The following CCT5 variants were observed in gnomAD, a reference collection of about 807,000 sequenced individuals.
The protein encoded by CCT5 is chaperonin containing TCP1 subunit 5, also known as T-complex protein 1 subunit epsilon.
CCT5 carries 6 observed loss-of-function variants against 55.0 expected under a neutral mutation model. The ratio of observed to expected loss-of-function variants is 0.11; its 90% CI spans 0.06 to 0.22. The LOEUF is 0.22. CCT5 is among the 10% of genes least tolerant of loss of function. CCT5 has a pLI of 1.00. For synonymous variants in CCT5, 231 were observed against 243.7 expected, an observed-to-expected ratio of 0.95 and a Z score of 0.49; for missense variants, 560 against 694.6, an observed-to-expected ratio of 0.81 and a Z score of 2.18.
chr5:10,264,620 C>A, intron 10 of CCT5, 36 bp from the exon 11 acceptor site: 1 of 1,304,408 alleles, frequency 7.7e-7, no homozygotes, highest in Non-Finnish European at 1.1e-6. Context: ...TTATTGTATG[C>A]TATTTTAGGA....
At chr5:10,250,193 G>T (rs532116471), upstream of CCT5, 1 of 1,546,222 alleles carries the variant, frequency 6.5e-7, no homozygotes, top group African/African-American at 1.4e-5. Flanking sequence ...ACTGTCTGGC[G>T]TGAAATTAGT....
At chr5:10,255,402 G>C (rs1170350658) in intron 3 of CCT5, among the ~76,000 whole-genome samples, 1 of 152,012 alleles carries the variant, frequency 6.6e-6, no homozygotes, top group Non-Finnish European at 1.5e-5. Context: ...AAGTTGGGGA[G>C]ATTGAAGACA....
In CCT5 at chr5:10,266,020, T is replaced by C. The variant is rs904887260; in HGVS notation, c.*1237T>C. 6.6e-6 allele frequency: 1 copy of C among 152,226 alleles called. No homozygotes were observed. The highest frequency in any genetic ancestry group is 2.4e-5 in the African/African-American group (1 of 41,458). The allele number at this position is 152,226 out of a possible 1,614,324, so 9.4% of individuals were successfully genotyped here. ...GGTCATTGTGTTTTCTCTACATTCA[T>C]GCATTGGATGTTTTGCTAAATAACT... is the stretch of plus-strand genomic sequence containing the variant. On this transcript the variant is annotated 3_prime_UTR_variant, in exon 11 of 11. Coordinates refer to ENST00000280326, the MANE Select transcript of CCT5 (RefSeq NM_012073.5).
At position 10,261,616 on chromosome 5, in the gene CCT5, C is replaced by T. The variant is rs751586130; in HGVS notation, c.1050C>T (p.Ala350=). 20 of 1,614,062 alleles carry T rather than the reference C, an allele frequency of 1.2e-5. No homozygotes were observed. In the South Asian group the frequency reaches 1.6e-4, roughly 13 times the overall value. Residue 350 remains alanine (A), a synonymous_variant, in exon 8 of 11, where the codon GCC becomes GCT. Coordinates refer to ENST00000280326, the MANE Select transcript of CCT5 (RefSeq NM_012073.5). The part of the protein sequence containing the change: ...RIVPRFSELT[A]EKLGFAGLVQ... ...TCCCCAGGTTCTCAGAGCTCACAGC[C>T]GAGAAGCTGGGCTTTGCTGGTCTTG...
intron 1 of CCT5, 48 bp from the exon 2 acceptor site, chr5:10,254,097 A>G: frequency 7.9e-7 from 1 of 1,265,136 alleles, no homozygotes; most frequent in Non-Finnish European, 1.2e-6. Flanking sequence ...GCTTTTAACC[A>G]TTGAAATTAT....
chr5:10,258,283 A>G lies in CCT5; in HGVS notation c.703A>G (p.Ser235Gly). The G allele has an allele frequency of 1.2e-6, 2 of 1,614,258 alleles. No homozygotes were observed. Among genetic ancestry groups the G allele is most frequent in the Non-Finnish European group, 1.7e-6 (2 of 1,180,042 alleles). ...IKGVIVDKDF[S>G]HPQMPKKVED... ...GGGCGTGATTGTGGACAAGGATTTC[A>G]GTCACCCACAGATGCCAAAAGTGAG... is the stretch of plus-strand genomic sequence containing the variant. Residue 235 changes from serine to glycine, a missense_variant, in exon 5 of 11, where the codon AGT (serine) becomes GGT (glycine). Physicochemically the swap from Ser to Gly is moderately conservative, Grantham distance 56. This residue lies in a region of CCT5 where 256 missense variants were observed against 372.4 expected (regional missense o/e 0.69). Coordinates refer to ENST00000280326, the MANE Select transcript of CCT5 (RefSeq NM_012073.5).
intron 8 of CCT5, chr5:10,261,975 ATTTT>A (rs1745985937): frequency 5.7e-6 from 3 of 525,066 alleles, no homozygotes; most frequent in Non-Finnish European, 1.0e-5. Context: ...ACACTATGAG[ATTTT>A]TATATCTTTT....
At chr5:10,249,931 A>AC, upstream of CCT5, 8 of 649,774 alleles carry the variant, frequency 1.2e-5, no homozygotes, top group Non-Finnish European at 1.4e-5. Flanking sequence ...AAAAAAAAAA[A>AC]AAACCGGAAA....
intron 6 of CCT5, 72 bp from the exon 7 acceptor site, chr5:10,260,719 CT>C: frequency 3.2e-6 from 5 of 1,570,988 alleles, no homozygotes; most frequent in Non-Finnish European, 4.4e-6. Context: ...TGTGCCTCTC[CT>C]TTTTTCAAAC....
At chr5:10,251,626 T>C (rs1469888635) in intron 1 of CCT5, among the ~76,000 whole-genome samples, 1 of 152,126 alleles carries the variant, frequency 6.6e-6, no homozygotes, top group Non-Finnish European at 1.5e-5. Flanking sequence ...TCGCGGAACC[T>C]CCTTTTCCAG....
chr5:10,262,854 C>T (rs1746032995), intron 9 of CCT5, among the ~76,000 whole-genome samples: 1 of 152,196 alleles, frequency 6.6e-6, no homozygotes, highest in Non-Finnish European at 1.5e-5. Context: ...AATCTATAGT[C>T]TTTTAATGTT....
intron 4 of CCT5, among the ~76,000 whole-genome samples, chr5:10,256,527 G>A (rs1183613682): frequency 6.6e-6 from 1 of 152,104 alleles, no homozygotes; most frequent in African/African-American, 2.4e-5. Context: ...ACCAGCCAGG[G>A]CAATGTAGTG....
rs375456603 is a variant in CCT5 at position 10,254,626 on chromosome 5, A to G, written c.167-48A>G. 2.6e-5 allele frequency: 40 copies of G among 1,564,804 alleles called. No homozygotes were observed. The African/African-American group carries it at 5.1e-4, about 20-fold the overall frequency. On this transcript the variant is annotated intron_variant, in intron 2 of 10. Coordinates refer to ENST00000280326, the MANE Select transcript of CCT5 (RefSeq NM_012073.5). ...GAGGTCTTGTTTTATAGTTTGTGAT[A>G]TTGGTTGCCAGTTTTTTGCGCAAAG...
chr5:10,258,947 T>C (rs550816485), intron 6 of CCT5, among the ~76,000 whole-genome samples: 58 of 152,230 alleles, frequency 3.8e-4, no homozygotes, highest in Middle Eastern at 3.4e-3. Flanking sequence ...GAGCTGAGCT[T>C]GCACCACTAC....
At chr5:10,259,782 G>T (rs1201924669) in intron 6 of CCT5, among the ~76,000 whole-genome samples, 1 of 152,264 alleles carries the variant, frequency 6.6e-6, no homozygotes, top group African/African-American at 2.4e-5. Flanking sequence ...TGGTGCCTCA[G>T]CTGTGCTGGG....
chr5:10,253,231 A>T lies in CCT5; in HGVS notation c.106-914A>T, dbSNP rs142928048. ...TGTAATCCCAGCTACTGGGGGGCTG[A>T]GGCAGGAGGATCGCTTAAACCCGGG... On this transcript the variant is annotated intron_variant, in intron 1 of 10. Coordinates refer to ENST00000280326, the MANE Select transcript of CCT5 (RefSeq NM_012073.5). 3.0e-3 allele frequency among the ~76,000 whole-genome samples: 457 copies of T among 150,846 alleles called. 5 individuals are homozygous for T. Among genetic ancestry groups the T allele is most frequent in the African/African-American group, 0.01 (432 of 41,156 alleles).
At chr5:10,258,820 C>T (rs1206925917) in intron 6 of CCT5, among the ~76,000 whole-genome samples, 2 of 152,150 alleles carry the variant, frequency 1.3e-5, no homozygotes, top group Non-Finnish European at 2.9e-5. Context: ...GGTGAAACGC[C>T]ATTTCTACTA....
chr5:10,264,918 G>C lies in CCT5; in HGVS notation c.*135G>C. ...ATGCTATAATAAAAATAGCTGTTTGGTAACCATAGTTTCACTTGTTCAAAG... is the reference window on the plus strand; with the variant it reads ...ATGCTATAATAAAAATAGCTGTTTGCTAACCATAGTTTCACTTGTTCAAAG... On this transcript the variant is annotated 3_prime_UTR_variant, in exon 11 of 11. Coordinates refer to ENST00000280326, the MANE Select transcript of CCT5 (RefSeq NM_012073.5). 1 of 1,155,304 alleles carries C rather than the reference G, an allele frequency of 8.7e-7. No individual in the cohort carries two copies. The highest frequency in any genetic ancestry group is 1.2e-6 in the Non-Finnish European group (1 of 800,830). The allele number at this position is 1,155,304 out of a possible 1,614,324, so 71.6% of individuals were successfully genotyped here. A position where few individuals can be genotyped will look rare whatever the true frequency, so the allele number is the denominator to read the frequency against.
chr5:10,255,409 G>A (rs1041627689), intron 3 of CCT5, among the ~76,000 whole-genome samples: 2 of 151,956 alleles, frequency 1.3e-5, no homozygotes, highest in East Asian at 3.9e-4. Context: ...GGAGATTGAA[G>A]ACAAAATATC....
Sources: gnomAD v4.1 joint callset for allele counts (sites outside exome capture counted in the v4.1 genomes callset) on GRCh38, gnomAD v4.1.1 for gene constraint, gnomAD v4.1.1 regional missense constraint, MANE v1.5 for transcripts, NCBI Gene and HGNC (gene_info 2026-07-23, HGNC 2026-07-21) for gene names.